The following USP10 variants were observed in gnomAD, a reference collection of about 807,000 sequenced individuals.
USP10 encodes the protein ubiquitin specific peptidase 10.
In USP10, 22 loss-of-function variants were observed where a neutral mutation model predicts 84.5. That is an observed-to-expected ratio of 0.26 (90% CI 0.19 to 0.37). The LOEUF is 0.37. USP10 is among the 10% of genes least tolerant of loss of function. The pLI is 1.00. For missense variants in USP10, 1,019 were observed against 998.9 expected (o/e 1.02, Z -0.27); for synonymous variants, 454 against 387.6 (o/e 1.17, Z -2.01).
intron 8 of USP10, 114 bp from the exon 9 acceptor site, chr16:84,762,874 AC>A: frequency 1.7e-6 from 1 of 591,948 alleles, no homozygotes; most frequent in South Asian, 2.5e-5. Flanking sequence ...GTTTGGAAAT[AC>A]TTTACATCTT....
intron 4 of USP10, among the ~76,000 whole-genome samples, chr16:84,754,188 A>G (rs2150838897): frequency 6.6e-6 from 1 of 152,242 alleles, no homozygotes; most frequent in East Asian, 1.9e-4. Context: ...GAGAATCTTG[A>G]GTGCCTTCTG....
chr16:84,718,206 C>CAGTGAATT (rs1907304965), intron 1 of USP10, among the ~76,000 whole-genome samples: 1 of 152,136 alleles, frequency 6.6e-6, no homozygotes, highest in Non-Finnish European at 1.5e-5. Flanking sequence ...AGTTTAATTA[C>CAGTGAATT]AAAAGAAATG....
At chr16:84,766,718 A>G (rs1424760084) in intron 10 of USP10, among the ~76,000 whole-genome samples, 1 of 152,212 alleles carries the variant, frequency 6.6e-6, no homozygotes, top group Admixed American at 6.5e-5. Flanking sequence ...CAGATTGAAC[A>G]GCTCTGTCAC....
rs1003850642 is a variant in USP10 at position 84,733,494 on chromosome 16, T to C, written c.81T>C (p.Ser27=). ...EFNQFFVTPR[S]SVELPPYSGT... ...ATCAATTCTTTGTGACTCCTCGATC[T>C]TCAGTTGAGGTAAGACAAAACTTTG... is the stretch of plus-strand genomic sequence containing the variant. Residue 27 remains serine, a synonymous_variant, in exon 2 of 14, where the codon TCT becomes TCC. Coordinates refer to ENST00000219473, the MANE Select transcript of USP10 (RefSeq NM_005153.3). 1.2e-6 allele frequency: 2 copies of C among 1,609,674 alleles called. No individual in the cohort carries two copies. Among genetic ancestry groups the C allele is most frequent in the South Asian group, 1.1e-5 (1 of 90,376 alleles).
At chr16:84,738,484 A>G (rs1364590099) in intron 2 of USP10, among the ~76,000 whole-genome samples, 2 of 152,144 alleles carry the variant, frequency 1.3e-5, no homozygotes, top group Non-Finnish European at 1.5e-5. Context: ...TGAGACACAC[A>G]TGGCCGCTGT....
In USP10 at chr16:84,726,283, G is replaced by A. The variant is rs77650136; in HGVS notation, c.22-7152G>A. Among the ~76,000 whole-genome samples, 74 of 152,344 alleles carry A rather than the reference G, an allele frequency of 4.9e-4. No individual in the cohort carries two copies. The East Asian group carries it at 0.014, about 28-fold the overall frequency. ...CGAAAGTGGCGTTTCCCGCAGTTCC[G>A]GCGGGAGAGCTGTAGCCAGCAGGTT... is the stretch of plus-strand genomic sequence containing the variant. On this transcript the variant is annotated intron_variant, in intron 1 of 13. Transcript: ENST00000219473.
intron 1 of USP10, among the ~76,000 whole-genome samples, chr16:84,711,590 C>T (rs1449299537): frequency 6.6e-6 from 1 of 152,142 alleles, no homozygotes; most frequent in African/African-American, 2.4e-5. Flanking sequence ...GAAATAATTA[C>T]GCTTGGTTCT....
intron 4 of USP10, among the ~76,000 whole-genome samples, chr16:84,748,008 G>A (rs1256436218): frequency 6.6e-6 from 1 of 151,534 alleles, no homozygotes; most frequent in Non-Finnish European, 1.5e-5. Context: ...CTAAAAATCA[G>A]CCAGGCGTGG....
chr16:84,708,029 G>A (rs1233445803), intron 1 of USP10, among the ~76,000 whole-genome samples: 1 of 152,130 alleles, frequency 6.6e-6, no homozygotes, highest in African/African-American at 2.4e-5. Context: ...AGTGAGTCGA[G>A]ATTGTGCCAC....
chr16:84,719,917 T>C (rs2150776420), intron 1 of USP10, among the ~76,000 whole-genome samples: 1 of 152,352 alleles, frequency 6.6e-6, no homozygotes, highest in Admixed American at 6.5e-5. Context: ...TTAGCTAGTA[T>C]ACCACTTTTT....
At chr16:84,735,269 AT>A (rs1909786617) in intron 2 of USP10, among the ~76,000 whole-genome samples, 1 of 148,312 alleles carries the variant, frequency 6.7e-6, no homozygotes, top group East Asian at 2.0e-4. Flanking sequence ...GGGATTTTGT[AT>A]TTTTTCCCAC....
At chr16:84,778,414 T>A (rs1915242195) in intron 13 of USP10, among the ~76,000 whole-genome samples, 1 of 152,246 alleles carries the variant, frequency 6.6e-6, no homozygotes, top group South Asian at 2.1e-4. Flanking sequence ...GTTATTTTAA[T>A]ATAATTTACT....
At chr16:84,735,533 T>G (rs910077681) in intron 2 of USP10, among the ~76,000 whole-genome samples, 12 of 152,324 alleles carry the variant, frequency 7.9e-5, no homozygotes, top group Middle Eastern at 3.4e-3. Context: ...TTTCTTTTGT[T>G]TTTTAAATTG....
intron 8 of USP10, among the ~76,000 whole-genome samples, chr16:84,762,552 A>T (rs1913326098): frequency 1.3e-5 from 2 of 152,046 alleles, no homozygotes; most frequent in Non-Finnish European, 2.9e-5. Flanking sequence ...TTAGCCAGGC[A>T]TGGTGGCACA....
intron 2 of USP10, among the ~76,000 whole-genome samples, chr16:84,735,535 T>C (rs1284847785): frequency 6.6e-6 from 1 of 152,188 alleles, no homozygotes; most frequent in Non-Finnish European, 1.5e-5. Flanking sequence ...TCTTTTGTTT[T>C]TTAAATTGAA....
Position 84,779,121 on chromosome 16 carries a change from G to A in USP10, c.*39G>A, listed in dbSNP as rs764058724. ...TGTGTGTGCGCCCAGTGCCCGCTTC[G>A]TAGGACACCACCTCACACTCACTTC... On this transcript the variant is annotated 3_prime_UTR_variant, in exon 14 of 14. Transcript: ENST00000219473. 5.6e-5 allele frequency: 88 copies of A among 1,580,586 alleles called. No individual in the cohort carries two copies. The highest frequency in any genetic ancestry group is 1.7e-4 in the Middle Eastern group (1 of 5,962).
At chr16:84,707,221 G>C (rs8044557) in intron 1 of USP10, among the ~76,000 whole-genome samples, 2,674 of 152,254 alleles carry the variant, frequency 0.018, 79 homozygotes, top group African/African-American at 0.061. Context: ...TTCACACTGT[G>C]ACTTCCCCTT....
chr16:84,760,718 A>T (rs571071959), intron 8 of USP10, among the ~76,000 whole-genome samples: 1 of 151,954 alleles, frequency 6.6e-6, no homozygotes, highest in South Asian at 2.1e-4. Flanking sequence ...TGATTCCTTT[A>T]CCTAATTTTT....
intron 6 of USP10, 77 bp from the exon 7 acceptor site, chr16:84,759,814 C>T (rs763116038): frequency 7.1e-7 from 1 of 1,410,292 alleles, no homozygotes; most frequent in Non-Finnish European, 1.0e-6. Context: ...TGATATTCTA[C>T]TTAGCCATCA....
Sources: allele counts gnomAD v4.1 joint callset (sites outside exome capture counted in the v4.1 genomes callset), GRCh38; gene constraint gnomAD v4.1.1; transcripts MANE v1.5; gene names NCBI Gene and HGNC (gene_info 2026-07-23, HGNC 2026-07-21).